Variants in BTAF1 observed in about 807,000 individuals in gnomAD.
BTAF1 encodes the protein B-TFIID TATA-box binding protein associated factor 1, also known as TATA-binding protein-associated factor 172.
A neutral mutation model predicts 227.1 loss-of-function variants in BTAF1; 38 were observed. The observed-to-expected ratio is 0.17, with a 90% CI of 0.13 to 0.22. BTAF1 has a LOEUF of 0.22. Ranked by LOEUF, BTAF1 falls within the 10% of genes least tolerant of loss-of-function variation. BTAF1 has a pLI of 1.00. For synonymous variants in BTAF1, 742 were observed against 751.9 expected (o/e 0.99, Z 0.21); for missense variants, 1,598 against 2,204.0 (o/e 0.73, Z 5.51).
chr10:91,980,640 G>A, intron 15 of BTAF1, 82 bp downstream of exon 15: 1 of 1,048,080 alleles, frequency 9.5e-7, no homozygotes, highest in South Asian at 1.3e-5. Flanking sequence ...TGTTCTGTTG[G>A]TCATTCATAT....
At chr10:91,958,313 T>A (rs1846240796) in intron 8 of BTAF1, among the ~76,000 whole-genome samples, 1 of 152,096 alleles carries the variant, frequency 6.6e-6, no homozygotes, top group Non-Finnish European at 1.5e-5. Flanking sequence ...ACCTGGGCCT[T>A]CCAAAGTGCT....
intron 24 of BTAF1, chr10:91,997,053 C>G: frequency 8.2e-7 from 1 of 1,214,540 alleles, no homozygotes; most frequent in Non-Finnish European, 1.1e-6. Flanking sequence ...CAGCAGCTAA[C>G]ATTCTTTAAC....
chr10:91,973,391 A>T (rs1411215707), intron 14 of BTAF1, among the ~76,000 whole-genome samples: 1 of 152,232 alleles, frequency 6.6e-6, no homozygotes, highest in Non-Finnish European at 1.5e-5. Flanking sequence ...TTAATGCTAT[A>T]CAAGTATAAA....
intron 30 of BTAF1, among the ~76,000 whole-genome samples, chr10:92,013,113 A>AG (rs1321898586): frequency 7.2e-5 from 11 of 152,202 alleles, no homozygotes; most frequent in Non-Finnish European, 8.8e-5. Context: ...GGTGGGTAAA[A>AG]GGGTACCTTA....
chr10:92,018,104 G>C (rs1029068334), intron 33 of BTAF1, among the ~76,000 whole-genome samples: 2 of 151,890 alleles, frequency 1.3e-5, no homozygotes, highest in Non-Finnish European at 2.9e-5. Flanking sequence ...TTTTTTTAAA[G>C]ACTGAGTCTC....
At chr10:91,928,515 C>G (rs745733260) in intron 1 of BTAF1, among the ~76,000 whole-genome samples, 1 of 152,078 alleles carries the variant, frequency 6.6e-6, no homozygotes, top group Non-Finnish European at 1.5e-5. Context: ...CATTCACTAG[C>G]TACTTGACTT....
intron 1 of BTAF1, among the ~76,000 whole-genome samples, chr10:91,932,954 A>G (rs1844372462): frequency 6.6e-6 from 1 of 152,198 alleles, no homozygotes; most frequent in Non-Finnish European, 1.5e-5. Context: ...TCCCACCAAC[A>G]GTTCCCAGTC....
chr10:91,929,032 G>A (rs192004192), intron 1 of BTAF1, among the ~76,000 whole-genome samples: 1 of 152,154 alleles, frequency 6.6e-6, no homozygotes, highest in East Asian at 1.9e-4. Flanking sequence ...CAGGCTGGTT[G>A]CAAACTCCTG....
chr10:91,963,954 C>T (rs534526834), intron 12 of BTAF1, 123 bp from the exon 13 acceptor site: 24 of 1,033,662 alleles, frequency 2.3e-5, no homozygotes, highest in East Asian at 1.7e-4. Context: ...AAATTGACAC[C>T]GTCCAAGGTC....
At position 91,981,640 on chromosome 10, in the gene BTAF1, C is replaced by A; in HGVS notation, c.1756-3C>A. ...ACTTTCATGTCCCCCTTTTACCCTG[C>A]AGGTTTGGATGGAACTGTTGAGTAA... On this transcript the variant is annotated splice_region_variant and splice_polypyrimidine_tract_variant and intron_variant, in intron 15 of 37. Coordinates refer to ENST00000265990, the MANE Select transcript of BTAF1 (RefSeq NM_003972.3). 2.5e-6 allele frequency: 4 copies of A among 1,586,392 alleles called. No homozygotes were observed. The highest frequency in any genetic ancestry group is 3.4e-6 in the Non-Finnish European group (4 of 1,169,676).
chr10:92,018,775 T>C lies in BTAF1; in HGVS notation c.4711-8T>C. On this transcript the variant is annotated splice_polypyrimidine_tract_variant and splice_region_variant and intron_variant, in intron 33 of 37. Transcript: ENST00000265990. ...TGACTCATATATACTTTTTTTTTCC[T>C]CTTGAAGGCATTACAGTACTTACGT... 6.6e-7 allele frequency: 1 copy of C among 1,512,580 alleles called. No individual in the cohort carries two copies. Among genetic ancestry groups the C allele is most frequent in the South Asian group, 1.3e-5 (1 of 75,664 alleles). 93.7% of individuals were successfully genotyped at this position (1,512,580 alleles called of 1,614,324 possible). A position where few individuals can be genotyped will look rare whatever the true frequency, so the allele number is the denominator to read the frequency against.
chr10:92,012,079 TTC>T (rs1850330827), intron 30 of BTAF1, among the ~76,000 whole-genome samples: 1 of 116,390 alleles, frequency 8.6e-6, no homozygotes, highest in Non-Finnish European at 1.8e-5. Flanking sequence ...CTCTCCCTCC[TTC>T]CCTCCCTCCC....
intron 1 of BTAF1, among the ~76,000 whole-genome samples, chr10:91,929,051 T>A (rs915737784): frequency 2.6e-5 from 4 of 152,146 alleles, no homozygotes; most frequent in Non-Finnish European, 5.9e-5. Flanking sequence ...TGGGCTCCAG[T>A]GATCCACGTG....
At chr10:92,007,161 G>A (rs1849960104) in intron 25 of BTAF1, among the ~76,000 whole-genome samples, 1 of 140,008 alleles carries the variant, frequency 7.1e-6, no homozygotes, top group African/African-American at 2.6e-5. Flanking sequence ...AAAGGGTTGA[G>A]ATTTATTAAA....
intron 33 of BTAF1, among the ~76,000 whole-genome samples, chr10:92,017,703 G>A (rs977657422): frequency 1.3e-5 from 2 of 151,952 alleles, no homozygotes; most frequent in Non-Finnish European, 2.9e-5. Flanking sequence ...TAGTGATAAG[G>A]TCTCACCATG....
intron 1 of BTAF1, among the ~76,000 whole-genome samples, chr10:91,934,188 T>A (rs1271025970): frequency 6.6e-6 from 1 of 152,242 alleles, no homozygotes; most frequent in African/African-American, 2.4e-5. Context: ...TTTGTATGAC[T>A]AGCTTCATAG....
chr10:91,954,887 A>T (rs1285240528), intron 6 of BTAF1, among the ~76,000 whole-genome samples: 1 of 152,206 alleles, frequency 6.6e-6, no homozygotes, highest in Non-Finnish European at 1.5e-5. Context: ...TCCCACTCAG[A>T]TCTGTTAAAT....
intron 4 of BTAF1, among the ~76,000 whole-genome samples, chr10:91,943,861 A>G (rs1428964341): frequency 1.3e-5 from 2 of 152,130 alleles, no homozygotes; most frequent in African/African-American, 2.4e-5. Flanking sequence ...TATTTCAAAG[A>G]AAAGCCTGGC....
chr10:92,025,810 CAAAAAAAAAAAA>C (rs71025383), intron 35 of BTAF1, among the ~76,000 whole-genome samples: 5 of 86,900 alleles, frequency 5.8e-5, no homozygotes, highest in Admixed American at 1.3e-4. Context: ...GACTCTGTCT[CAAAAAAAAAAAA>C]AAAAAAAAAA....
Sources: allele counts gnomAD v4.1 joint callset (sites outside exome capture counted in the v4.1 genomes callset), GRCh38; gene constraint gnomAD v4.1.1; transcripts MANE v1.5; gene names NCBI Gene and HGNC (gene_info 2026-07-23, HGNC 2026-07-21).